Variants in JAKMIP3 observed in about 807,000 individuals in gnomAD.
JAKMIP3 encodes Janus kinase and microtubule interacting protein 3.
Under a neutral mutation model 118.5 loss-of-function variants are expected in JAKMIP3, and 58 were observed. The observed-to-expected ratio is 0.49, with a 90% CI of 0.40 to 0.61. JAKMIP3 has a LOEUF of 0.61. JAKMIP3 is among the 20% of genes least tolerant of loss of function. The pLI, the probability that JAKMIP3 is intolerant of heterozygous loss-of-function variation, is 0.00. For synonymous variants in JAKMIP3, 486 were observed against 451.2 expected, an observed-to-expected ratio of 1.08 and a Z score of -0.98; for missense variants, 950 against 1,109.0, an observed-to-expected ratio of 0.86 and a Z score of 2.04.
chr10:132,076,393 G>T (rs1334661486), intron 1 of JAKMIP3, among the ~76,000 whole-genome samples: 1 of 152,248 alleles, frequency 6.6e-6, no homozygotes, highest in Non-Finnish European at 1.5e-5. Context: ...GACCGTTTTT[G>T]TTTATCTGTT....
intron 2 of JAKMIP3, among the ~76,000 whole-genome samples, chr10:132,114,806 G>C (rs150229414): frequency 6.6e-6 from 1 of 152,070 alleles, no homozygotes; most frequent in Non-Finnish European, 1.5e-5. Flanking sequence ...CAGCACCGAG[G>C]TCTTGGGCGT....
At chr10:132,115,417 C>T (rs1453882990) in intron 2 of JAKMIP3, among the ~76,000 whole-genome samples, 2 of 152,224 alleles carry the variant, frequency 1.3e-5, no homozygotes, top group East Asian at 1.9e-4. Flanking sequence ...TCCGCACAGC[C>T]GCTTGTCAGC....
intron 13 of JAKMIP3, among the ~76,000 whole-genome samples, 186 bp downstream of exon 13, chr10:132,145,766 C>A (rs1045886350): frequency 6.6e-6 from 1 of 152,196 alleles, no homozygotes; most frequent in African/African-American, 2.4e-5. Flanking sequence ...ATGGCCTGGA[C>A]AGAGGGAGCT....
intron 23 of JAKMIP3, among the ~76,000 whole-genome samples, chr10:132,180,576 T>C (rs1441926542): frequency 0.028 from 548 of 19,888 alleles, 175 homozygotes; most frequent in African/African-American, 0.15. Context: ...TGCGTGTGTG[T>C]GTGCGTGCGC....
chr10:132,057,756 C>T (rs1258109360), intron 1 of JAKMIP3, among the ~76,000 whole-genome samples: 1 of 152,194 alleles, frequency 6.6e-6, no homozygotes, highest in Non-Finnish European at 1.5e-5. Flanking sequence ...GCAGCTGGGT[C>T]CTGTGTCAAC....
intron 2 of JAKMIP3, among the ~76,000 whole-genome samples, chr10:132,116,158 A>T: frequency 6.6e-6 from 1 of 152,246 alleles, no homozygotes; most frequent in East Asian, 1.9e-4. Context: ...AACTTCTGGA[A>T]CGTATTTTTG....
chr10:132,098,983 T>C (rs2044404320), intron 1 of JAKMIP3, among the ~76,000 whole-genome samples: 2 of 152,308 alleles, frequency 1.3e-5, no homozygotes, highest in Admixed American at 1.3e-4. Context: ...CCAGAAAGAA[T>C]GCAAGTCAAA....
intron 1 of JAKMIP3, among the ~76,000 whole-genome samples, chr10:132,096,543 C>T (rs914813502): frequency 5.9e-5 from 9 of 152,310 alleles, no homozygotes; most frequent in Non-Finnish European, 1.0e-4. Flanking sequence ...TTTTAAATCA[C>T]ACTTGTTGTG....
At chr10:132,159,406 G>A (rs1197397994) in intron 19 of JAKMIP3, among the ~76,000 whole-genome samples, 1 of 99,872 alleles carries the variant, frequency 1.0e-5, no homozygotes, top group African/African-American at 3.8e-5. Flanking sequence ...TTACTGAGGG[G>A]GCCTATTCCT....
intron 19 of JAKMIP3, among the ~76,000 whole-genome samples, chr10:132,159,644 G>A (rs1204792147): frequency 1.2e-5 from 1 of 83,746 alleles, no homozygotes; most frequent in Non-Finnish European, 2.7e-5. Context: ...TGATGCTGGG[G>A]GGCCTCTCCC....
At chr10:132,136,745 T>TC (rs1218457054) in intron 6 of JAKMIP3, among the ~76,000 whole-genome samples, 1 of 152,148 alleles carries the variant, frequency 6.6e-6, no homozygotes, top group East Asian at 1.9e-4. Context: ...CTGTGAGCGA[T>TC]CCCCTCCAGC....
At chr10:132,041,380 G>A (rs903284387) in intron 1 of JAKMIP3, among the ~76,000 whole-genome samples, 2 of 152,214 alleles carry the variant, frequency 1.3e-5, no homozygotes, top group Admixed American at 6.5e-5. Context: ...CAGCCAGGGT[G>A]GGGAACCCTG....
intron 16 of JAKMIP3, among the ~76,000 whole-genome samples, chr10:132,151,597 T>A (rs1022496101): frequency 1.3e-5 from 2 of 152,124 alleles, no homozygotes; most frequent in African/African-American, 4.8e-5. Context: ...TTGGGAACTG[T>A]ATTGGGCAAC....
intron 11 of JAKMIP3, among the ~76,000 whole-genome samples, chr10:132,143,047 GT>G (rs1415063123): frequency 6.6e-6 from 1 of 151,982 alleles, no homozygotes; most frequent in Middle Eastern, 3.2e-3. Flanking sequence ...GACGTGGCTG[GT>G]TTCCCTCCTG....
chr10:132,142,352 G>T (rs555373353), intron 11 of JAKMIP3, among the ~76,000 whole-genome samples: 1 of 152,310 alleles, frequency 6.6e-6, no homozygotes, highest in South Asian at 2.1e-4. Flanking sequence ...CCCAGGGTGG[G>T]CCTCCTTCCA....
intron 1 of JAKMIP3, among the ~76,000 whole-genome samples, chr10:132,037,854 C>T (rs1308199141): frequency 2.0e-5 from 3 of 152,000 alleles, no homozygotes; most frequent in Admixed American, 2.0e-4. Context: ...ACCCCTGCCC[C>T]GGGGGCCTGG....
intron 21 of JAKMIP3, among the ~76,000 whole-genome samples, chr10:132,166,462 G>C (rs1404323537): frequency 6.6e-6 from 1 of 152,204 alleles, no homozygotes; most frequent in Non-Finnish European, 1.5e-5. Context: ...GAGTGAGACT[G>C]TGTGCGCTTT....
chr10:132,137,912 T>C (rs561377881), intron 8 of JAKMIP3, among the ~76,000 whole-genome samples: 58 of 152,284 alleles, frequency 3.8e-4, no homozygotes, highest in African/African-American at 9.4e-4. Context: ...GCCCACCTAA[T>C]TGGGGAGCCG....
At chr10:132,131,078 G>C (rs2050477820) in intron 3 of JAKMIP3, among the ~76,000 whole-genome samples, 1 of 152,060 alleles carries the variant, frequency 6.6e-6, no homozygotes, top group South Asian at 2.1e-4. Context: ...GTCCTGGAGA[G>C]TACCGTCTCA....
Sources: allele counts gnomAD v4.1 joint callset (sites outside exome capture counted in the v4.1 genomes callset), GRCh38; gene constraint gnomAD v4.1.1; transcripts MANE v1.5; gene names NCBI Gene and HGNC (gene_info 2026-07-23, HGNC 2026-07-21).